Variants in TSPEAR observed in about 807,000 individuals in gnomAD.
TSPEAR encodes thrombospondin type laminin G domain and EAR repeats, also known as thrombospondin-type laminin G domain and EAR repeat-containing protein.
Under a neutral mutation model 71.6 loss-of-function variants are expected in TSPEAR, and 69 were observed. The ratio of observed to expected loss-of-function variants is 0.96; its 90% CI spans 0.79 to 1.18. TSPEAR has a LOEUF of 1.18. Ranked by LOEUF, TSPEAR falls within the 50% of genes most tolerant of loss-of-function variation. The pLI is 0.00. For missense variants in TSPEAR, 971 were observed against 894.9 expected (o/e 1.09, Z -1.09); for synonymous variants, 402 against 387.2 (o/e 1.04, Z -0.45).
intron 9 of TSPEAR, chr21:44,517,450 C>T (rs1253890417): frequency 7.0e-5 from 18 of 257,242 alleles, no homozygotes; most frequent in African/African-American, 4.1e-4. Context: ...AGCCAATGAG[C>T]TGTGAGGACG....
intron 1 of TSPEAR, among the ~76,000 whole-genome samples, chr21:44,605,539 C>T (rs189277602): frequency 5.3e-5 from 8 of 152,298 alleles, no homozygotes; most frequent in African/African-American, 1.9e-4. Context: ...CATCACACTC[C>T]CTAATTTCAA....
At chr21:44,637,951 C>T (rs782673603) in intron 1 of TSPEAR, 1 of 1,614,118 alleles carries the variant, frequency 6.2e-7, no homozygotes, top group South Asian at 1.1e-5. Context: ...AGCCTGCTTG[C>T]TGCACCGCCT....
At chr21:44,636,636 G>A (rs1174218178) in intron 1 of TSPEAR, among the ~76,000 whole-genome samples, 1 of 152,108 alleles carries the variant, frequency 6.6e-6, no homozygotes, top group Non-Finnish European at 1.5e-5. Flanking sequence ...CAGACCCCAA[G>A]TATCCTCCAC....
At chr21:44,691,881 C>T (rs1194520924) in intron 1 of TSPEAR, among the ~76,000 whole-genome samples, 1 of 152,150 alleles carries the variant, frequency 6.6e-6, no homozygotes, top group Non-Finnish European at 1.5e-5. Flanking sequence ...TATGCTGATA[C>T]CAAACCCACA....
chr21:44,653,212 G>A (rs1355677696), intron 1 of TSPEAR, among the ~76,000 whole-genome samples: 1 of 152,114 alleles, frequency 6.6e-6, no homozygotes, highest in Non-Finnish European at 1.5e-5. Context: ...ACAAGATAAC[G>A]TCTTATAGGG....
chr21:44,572,982 G>C (rs587650851), intron 1 of TSPEAR, among the ~76,000 whole-genome samples: 4 of 151,946 alleles, frequency 2.6e-5, no homozygotes, highest in Admixed American at 6.5e-5. Flanking sequence ...TGAGGGGAGC[G>C]GGGTGAGACA....
At chr21:44,688,645 C>T (rs530686674) in intron 1 of TSPEAR, among the ~76,000 whole-genome samples, 103 of 152,098 alleles carry the variant, frequency 6.8e-4, no homozygotes, top group East Asian at 6.6e-3. Flanking sequence ...GGAGGTGGAG[C>T]TTGCAGTGAG....
At chr21:44,550,512 C>T (rs782144772) in intron 2 of TSPEAR, 31 of 960,062 alleles carry the variant, frequency 3.2e-5, no homozygotes, top group East Asian at 7.8e-5. Context: ...AGCCAGGGCT[C>T]GCCCGCCCGG....
At chr21:44,645,458 G>T (rs1250611082) in intron 1 of TSPEAR, among the ~76,000 whole-genome samples, 4 of 151,278 alleles carry the variant, frequency 2.6e-5, no homozygotes, top group Admixed American at 2.6e-4. Flanking sequence ...CTGGGTTCAA[G>T]AATTCTCCTG....
At position 44,647,109 on chromosome 21, in the gene TSPEAR, G is replaced by A. The variant is rs782763676; in HGVS notation, c.82+64324C>T. The A allele has an allele frequency of 1.2e-5, 20 of 1,613,744 alleles. 1 individual carries two copies. In the Admixed American group the frequency reaches 2.5e-4, roughly 20 times the overall value. On this transcript the variant is annotated intron_variant, in intron 1 of 11. Coordinates refer to ENST00000323084, the MANE Select transcript of TSPEAR (RefSeq NM_144991.3). ...CTAGGGCTTCCTCTTCACGCTGCCA[G>A]CAGCCTAGCTGCCAGCCAGCTTGCT...
At chr21:44,541,017 C>T (rs587697897) in intron 2 of TSPEAR, among the ~76,000 whole-genome samples, 91 of 147,116 alleles carry the variant, frequency 6.2e-4, no homozygotes, top group African/African-American at 2.1e-3. Context: ...CTCAAGTGAT[C>T]CCTCCTGCCT....
At position 44,686,137 on chromosome 21, in the gene TSPEAR, C is replaced by A. The variant is rs192064489; in HGVS notation, c.82+25296G>T. Among the ~76,000 whole-genome samples the A allele has an allele frequency of 3.5e-3, 532 of 152,238 alleles. 4 individuals carry two copies. Among genetic ancestry groups the A allele is most frequent in the Admixed American group, 6.7e-3 (102 of 15,298 alleles). ...GCATTTGCAACAGGGGGACCTTGAACATCCATGAGGTGGACCCCTGGCCTC... is the reference window on the plus strand; with the variant it reads ...GCATTTGCAACAGGGGGACCTTGAAAATCCATGAGGTGGACCCCTGGCCTC... On this transcript the variant is annotated intron_variant, in intron 1 of 11. Coordinates refer to ENST00000323084, the MANE Select transcript of TSPEAR (RefSeq NM_144991.3).
intron 1 of TSPEAR, among the ~76,000 whole-genome samples, chr21:44,698,282 T>C (rs2838643): frequency 0.25 from 37,726 of 152,136 alleles, 5,208 homozygotes; most frequent in Admixed American, 0.34. Context: ...CCGGCTGCAC[T>C]TTGCTCTCTT....
rs1387545475 is a variant in TSPEAR, at chr21:44,506,071, C to T, written c.1755-1190G>A. ...GAGGTCAGCGGCCGTGAGGTCACTC[C>T]AGGAGGTGCCTACAGGACCTGCAGG... On this transcript the variant is annotated intron_variant, in intron 10 of 11. Coordinates refer to ENST00000323084, the MANE Select transcript of TSPEAR (RefSeq NM_144991.3). This position sits in a 1 kb window ranked among gnomAD's most constrained non-coding sequence, Gnocchi z 4.2. Among the ~76,000 whole-genome samples, 1 of 152,216 alleles carries T rather than the reference C, an allele frequency of 6.6e-6. No individual in the cohort carries two copies. Among genetic ancestry groups the T allele is most frequent in the East Asian group, 1.9e-4 (1 of 5,186 alleles).
chr21:44,599,171 T>TCTCTCTCTCTCTCTCTCC (rs1569210763), intron 1 of TSPEAR, among the ~76,000 whole-genome samples: 3 of 125,074 alleles, frequency 2.4e-5, no homozygotes, highest in Non-Finnish European at 4.9e-5. Context: ...TCTCTCTCTC[T>TCTCTCTCTCTCTCTCTCC]CCTTCCATCC....
intron 1 of TSPEAR, among the ~76,000 whole-genome samples, chr21:44,632,884 G>T (rs587771023): frequency 1.4e-4 from 22 of 152,110 alleles, no homozygotes; most frequent in African/African-American, 5.1e-4. Flanking sequence ...CACTAATAAA[G>T]GTATCAGTTT....
At chr21:44,575,584 GTGT>G (rs1978384428) in intron 1 of TSPEAR, among the ~76,000 whole-genome samples, 1 of 152,342 alleles carries the variant, frequency 6.6e-6, no homozygotes, top group Admixed American at 6.5e-5. Flanking sequence ...TAACCCTCCT[GTGT>G]TGTTAGTCGT....
At chr21:44,516,052 T>G (rs1003455740) in intron 9 of TSPEAR, 2 of 152,252 alleles carry the variant, frequency 1.3e-5, no homozygotes, top group African/African-American at 4.8e-5. Flanking sequence ...CGTGTGTTTG[T>G]GGCCAGGTCC....
At chr21:44,622,240 G>A (rs1982484322) in intron 1 of TSPEAR, among the ~76,000 whole-genome samples, 1 of 152,084 alleles carries the variant, frequency 6.6e-6, no homozygotes, top group African/African-American at 2.4e-5. Flanking sequence ...AAGAATGTGG[G>A]GCTTTGCTGA....
Sources: gnomAD v4.1 joint callset for allele counts (sites outside exome capture counted in the v4.1 genomes callset) on GRCh38, gnomAD v4.1.1 for gene constraint, Gnocchi (gnomAD v3.1) non-coding constraint, MANE v1.5 for transcripts, NCBI Gene and HGNC (gene_info 2026-07-23, HGNC 2026-07-21) for gene names.